The following GARNL3 variants were observed in gnomAD, a reference collection of about 807,000 sequenced individuals.
GARNL3 encodes GTPase activating Rap/RanGAP domain like 3.
A neutral mutation model predicts 125.0 loss-of-function variants in GARNL3; 63 were observed. The observed-to-expected ratio is 0.50, with a 90% CI of 0.41 to 0.62. The LOEUF (loss-of-function observed/expected upper bound fraction) is 0.62. Among genes scored for constraint, GARNL3 ranks in the 20% least tolerant of loss-of-function variants. The pLI, the probability that GARNL3 is intolerant of heterozygous loss-of-function variation, is 0.00. For synonymous variants in GARNL3, 439 were observed against 457.5 expected (o/e 0.96, Z 0.52); for missense variants, 994 against 1,244.0 (o/e 0.80, Z 3.02).
In GARNL3 at chr9:127,291,186, G is replaced by C. The variant is rs2064404286; in HGVS notation, c.163G>C (p.Asp55His). ...CCCCTAGCTTATTTCCAGTGATGCT[G>C]ATGGAGCCATCCAAAGGGCTGGAAG... ...SVELLISSDA[D>H]GAIQRAGRFR... Residue 55 changes from aspartate to histidine, a missense_variant, in exon 2 of 28, where the codon GAT (aspartate) becomes CAT (histidine). Transcript: ENST00000373387. 1 of 1,614,022 alleles carries C rather than the reference G, an allele frequency of 6.2e-7. No homozygotes were observed. Among genetic ancestry groups the C allele is most frequent in the African/African-American group, 1.3e-5 (1 of 74,910 alleles).
chr9:127,383,569 G>A, intron 23 of GARNL3, 24 bp downstream of exon 23: 1 of 1,454,908 alleles, frequency 6.9e-7, no homozygotes, highest in South Asian at 1.2e-5. Flanking sequence ...TTATCATAAT[G>A]CTTTTCTCCT....
intron 2 of GARNL3, among the ~76,000 whole-genome samples, chr9:127,294,712 A>G (rs375663168): frequency 2.0e-5 from 3 of 152,222 alleles, no homozygotes; most frequent in African/African-American, 4.8e-5. Flanking sequence ...CATAAGTTAT[A>G]TCGGGAGTGC....
At chr9:127,347,554 T>G (rs1224399129) in intron 16 of GARNL3, among the ~76,000 whole-genome samples, 1 of 152,226 alleles carries the variant, frequency 6.6e-6, no homozygotes, top group Non-Finnish European at 1.5e-5. Context: ...GAAGAACTTC[T>G]TTCTGCCTTA....
chr9:127,271,622 A>T (rs2063826592), intron 1 of GARNL3, among the ~76,000 whole-genome samples: 1 of 150,386 alleles, frequency 6.6e-6, no homozygotes, highest in Admixed American at 6.6e-5. Flanking sequence ...TTTGTGTTGA[A>T]ATCTGTCAGA....
At chr9:127,254,226 A>T (rs2063455984) in intron 2 of GARNL3, among the ~76,000 whole-genome samples, 1 of 152,198 alleles carries the variant, frequency 6.6e-6, no homozygotes, top group Non-Finnish European at 1.5e-5. Context: ...ACTGATTTAG[A>T]TGAAAAAAAT....
intron 2 of GARNL3, among the ~76,000 whole-genome samples, chr9:127,298,134 C>G (rs1362864045): frequency 6.6e-6 from 1 of 152,204 alleles, no homozygotes; most frequent in African/African-American, 2.4e-5. Context: ...GGGGTCTGCC[C>G]CAACTTGATA....
At chr9:127,296,129 A>G (rs866846173) in intron 2 of GARNL3, among the ~76,000 whole-genome samples, 2 of 152,146 alleles carry the variant, frequency 1.3e-5, no homozygotes, top group South Asian at 4.1e-4. Flanking sequence ...TGCTGATCTG[A>G]CAGGAGACGG....
intron 2 of GARNL3, among the ~76,000 whole-genome samples, chr9:127,303,278 ATGTATGTATATATATTTT>A (rs2064854444): frequency 6.6e-6 from 1 of 152,306 alleles, no homozygotes; most frequent in East Asian, 1.9e-4. Flanking sequence ...ATATAGGCTT[ATGTATGTATATATATTTT>A]TGTATGTATA....
chr9:127,312,753 T>C (rs2065128914), intron 3 of GARNL3, among the ~76,000 whole-genome samples: 1 of 152,044 alleles, frequency 6.6e-6, no homozygotes, highest in Non-Finnish European at 1.5e-5. Context: ...CCAGGCAAAG[T>C]TTATTGGTGT....
chr9:127,312,959 C>A (rs890376298), intron 3 of GARNL3, among the ~76,000 whole-genome samples: 13 of 152,178 alleles, frequency 8.5e-5, no homozygotes, highest in African/African-American at 3.1e-4. Flanking sequence ...TAACAAAAAA[C>A]CCAGAGGCAG....
Position 127,335,306 on chromosome 9 carries a change from G to A in GARNL3, c.846G>A (p.Leu282=). The A allele has an allele frequency of 6.2e-7, 1 of 1,613,560 alleles. No homozygotes were observed. Among genetic ancestry groups the A allele is most frequent in the Non-Finnish European group, 8.5e-7 (1 of 1,179,496 alleles). The change falls in exon 10 of 28, where the codon TTG becomes TTA. Residue 282 remains leucine (L), a synonymous_variant. Transcript: ENST00000373387. ...HEIMFHVSTM[L]PYSKENKQQV... is the part of the protein sequence containing the mutation. ...TCATGTTTCATGTTTCCACCATGTT[G>A]CCATATTCCAAAGAGAACAAACAGC... is the stretch of plus-strand genomic sequence containing the variant.
At chr9:127,365,490 TC>T (rs1831237557) in intron 22 of GARNL3, 124 bp downstream of exon 22, 6 of 806,818 alleles carry the variant, frequency 7.4e-6, no homozygotes, top group African/African-American at 6.9e-5. Flanking sequence ...GTAATTGCCT[TC>T]CAGGAAGGAA....
At chr9:127,246,940 T>TTC (rs1420740884) in intron 2 of GARNL3, among the ~76,000 whole-genome samples, 2 of 149,106 alleles carry the variant, frequency 1.3e-5, no homozygotes, top group Non-Finnish European at 3.0e-5. Context: ...TCTTTTTTTT[T>TTC]TTTTTTTTTT....
At chr9:127,380,646 A>G (rs1456856283) in intron 22 of GARNL3, among the ~76,000 whole-genome samples, 2 of 152,234 alleles carry the variant, frequency 1.3e-5, no homozygotes, top group Non-Finnish European at 2.9e-5. Context: ...TGAGCCTCGA[A>G]AACATCGAGC....
chr9:127,319,994 T>C (rs2065351549), intron 5 of GARNL3, among the ~76,000 whole-genome samples: 1 of 152,206 alleles, frequency 6.6e-6, no homozygotes, highest in Non-Finnish European at 1.5e-5. Flanking sequence ...AAGAATGAAC[T>C]TGAAAACTTA....
At chr9:127,349,120 T>C (rs909608417) in intron 17 of GARNL3, 85 bp downstream of exon 17, 1 of 910,122 alleles carries the variant, frequency 1.1e-6, no homozygotes, top group Admixed American at 1.8e-5. Flanking sequence ...CAACTCCCTT[T>C]GGGCCATAAA....
chr9:127,341,524 A>G (rs116697540), intron 13 of GARNL3, among the ~76,000 whole-genome samples: 2,004 of 152,354 alleles, frequency 0.013, 56 homozygotes, highest in African/African-American at 0.047. Context: ...AGGATCAGAC[A>G]GAGAGCAAGA....
chr9:127,289,610 G>A (rs1403902297), intron 1 of GARNL3, among the ~76,000 whole-genome samples: 1 of 152,196 alleles, frequency 6.6e-6, no homozygotes, highest in Non-Finnish European at 1.5e-5. Context: ...CACCCACGTG[G>A]CTGACCTGAG....
intron 16 of GARNL3, among the ~76,000 whole-genome samples, chr9:127,348,144 C>A (rs760716007): frequency 1.3e-5 from 2 of 152,094 alleles, no homozygotes; most frequent in Non-Finnish European, 2.9e-5. Context: ...TCAACTTGGG[C>A]CTGAGAATCT....
Sources: allele counts gnomAD v4.1 joint callset (sites outside exome capture counted in the v4.1 genomes callset), GRCh38; gene constraint gnomAD v4.1.1; transcripts MANE v1.5; gene names NCBI Gene and HGNC (gene_info 2026-07-23, HGNC 2026-07-21).